PRRG1: variants seen among roughly 807,000 people sequenced by gnomAD.
PRRG1 encodes transmembrane gamma-carboxyglutamic acid protein 1.
Under a neutral mutation model 11.8 loss-of-function variants are expected in PRRG1, and 5 were observed. The ratio of observed to expected loss-of-function variants is 0.42; its 90% CI spans 0.22 to 0.89. PRRG1 has a LOEUF of 0.89. PRRG1 is among the 40% of genes least tolerant of loss of function. PRRG1 has a pLI of 0.28. For missense variants in PRRG1, 155 were observed against 166.1 expected (o/e 0.93, Z 0.37); for synonymous variants, 66 against 60.4 (o/e 1.09, Z -0.43).
At chrX:37,437,139 T>C (rs143137935) in intron 3 of PRRG1, among the ~76,000 whole-genome samples, 2,695 of 112,381 alleles carry the variant, frequency 0.024, 78 homozygotes, top group African/African-American at 0.081. Flanking sequence ...ATCATTGATA[T>C]TGTTTTTAAG....
chrX:37,408,450 A>C (rs1229980639), intron 2 of PRRG1, among the ~76,000 whole-genome samples: 3 of 111,256 alleles, frequency 2.7e-5, no homozygotes, highest in Admixed American at 9.5e-5. Context: ...TAGCGTTTTA[A>C]TGTGCAAATG....
chrX:37,410,182 T>A (rs1932314522), intron 2 of PRRG1, among the ~76,000 whole-genome samples: 1 of 112,101 alleles, frequency 8.9e-6, no homozygotes, highest in Non-Finnish European at 1.9e-5. Flanking sequence ...TATTCTGAGA[T>A]TAACACATTT....
intron 3 of PRRG1, among the ~76,000 whole-genome samples, chrX:37,451,984 T>C (rs781884416): frequency 3.9e-4 from 44 of 111,969 alleles, no homozygotes; most frequent in African/African-American, 1.2e-3. Context: ...CCAGCTCTTC[T>C]TTTTCCAATT....
chrX:37,415,151 G>A (rs1204557874), intron 2 of PRRG1, among the ~76,000 whole-genome samples: 2 of 112,414 alleles, frequency 1.8e-5, no homozygotes, highest in African/African-American at 6.5e-5. Context: ...GCTCACGCCT[G>A]TAATCCCAGC....
At chrX:37,442,129 G>C (rs1257378999) in intron 3 of PRRG1, 3 of 756,519 alleles carry the variant, frequency 4.0e-6, no homozygotes, top group Admixed American at 8.7e-5. Flanking sequence ...GCCACCAGGC[G>C]GGGGCGTGCA....
chrX:37,438,430 CTTTTTTTTTT>C lies in PRRG1; in HGVS notation c.171+12444_171+12453del, dbSNP rs782783420. Among the ~76,000 whole-genome samples, 109 of 69,005 alleles carry C rather than the reference CTTTTTTTTTT, an allele frequency of 1.6e-3. 2 individuals are homozygous for C. Among genetic ancestry groups the C allele is most frequent in the African/African-American group, 5.8e-3 (100 of 17,261 alleles). 59.9% of individuals were successfully genotyped at this position (69,005 alleles called of 115,157 possible). On this transcript the variant is annotated intron_variant, in intron 3 of 3. Transcript: ENST00000378628. The stretch of plus-strand genomic sequence containing the variant: ...GATTCGTTGAAAGCAGAATTTTTTC[CTTTTTTTTTT>C]TTTTTTTTTTTTTGAAACACGGTTT...
At chrX:37,397,817 C>A (rs1314691686) in intron 1 of PRRG1, among the ~76,000 whole-genome samples, 1 of 109,525 alleles carries the variant, frequency 9.1e-6, no homozygotes, top group Non-Finnish European at 1.9e-5. Flanking sequence ...ATCCATAGAA[C>A]AAAGATTATT....
chrX:37,398,542 A>G lies in PRRG1; in HGVS notation c.-41-7667A>G, dbSNP rs1602000931. ...CACAAAGATGGGGAAAAAACAGAGC[A>G]GAAAAACTGGAAACTCTAAAAAGCA... On this transcript the variant is annotated intron_variant, in intron 1 of 3. Coordinates refer to ENST00000378628, the MANE Select transcript of PRRG1 (RefSeq NM_001142395.2). Among the ~76,000 whole-genome samples the G allele has an allele frequency of 4.5e-5, 5 of 112,212 alleles. No individual in the cohort carries two copies. The East Asian group carries it at 1.1e-3, about 25-fold the overall frequency.
intron 3 of PRRG1, among the ~76,000 whole-genome samples, chrX:37,427,874 T>C (rs925430472): frequency 1.8e-5 from 2 of 111,668 alleles, no homozygotes; most frequent in Non-Finnish European, 3.8e-5. Context: ...TACCCAAGAC[T>C]GGAAAAAAAG....
intron 2 of PRRG1, among the ~76,000 whole-genome samples, chrX:37,425,009 A>G (rs1602023787): frequency 9.0e-6 from 1 of 111,463 alleles, no homozygotes; most frequent in South Asian, 3.7e-4. Flanking sequence ...TTCTGGTGGC[A>G]TTATATTTGT....
At chrX:37,364,985 A>G (rs1336384316) in intron 1 of PRRG1, among the ~76,000 whole-genome samples, 1 of 112,081 alleles carries the variant, frequency 8.9e-6, no homozygotes, top group Non-Finnish European at 1.9e-5. Flanking sequence ...GAACTTTGTG[A>G]GGCATTGCAT....
At chrX:37,387,350 T>C (rs1424164240) in intron 1 of PRRG1, among the ~76,000 whole-genome samples, 4 of 111,963 alleles carry the variant, frequency 3.6e-5, no homozygotes, top group Non-Finnish European at 7.5e-5. Flanking sequence ...TAGTCTGTTC[T>C]CACATTGCTA....
chrX:37,377,169 G>GA (rs1556372614), intron 1 of PRRG1, among the ~76,000 whole-genome samples: 2 of 111,841 alleles, frequency 1.8e-5, no homozygotes, highest in East Asian at 5.6e-4. Flanking sequence ...TTAAATAAAA[G>GA]ATTAATCTGT....
intron 3 of PRRG1, among the ~76,000 whole-genome samples, chrX:37,430,286 C>A (rs1556389743): frequency 8.9e-6 from 1 of 111,984 alleles, no homozygotes; most frequent in Non-Finnish European, 1.9e-5. Context: ...TGTATACATG[C>A]ATACAAATTC....
At chrX:37,368,875 T>C (rs1392208679) in intron 1 of PRRG1, among the ~76,000 whole-genome samples, 1 of 111,158 alleles carries the variant, frequency 9.0e-6, no homozygotes, top group East Asian at 2.8e-4. Context: ...GATACAGCCA[T>C]AGCTTTCATA....
chrX:37,399,960 A>G (rs1931900778), intron 1 of PRRG1, among the ~76,000 whole-genome samples: 1 of 111,694 alleles, frequency 9.0e-6, no homozygotes, highest in African/African-American at 3.3e-5. Flanking sequence ...CACCCAATAC[A>G]GGAGCACCCA....
At position 37,391,511 on chromosome X, in the gene PRRG1, G is replaced by A. The variant is rs186063934; in HGVS notation, c.-41-14698G>A. On this transcript the variant is annotated intron_variant, in intron 1 of 3. Transcript: ENST00000378628. ...ATATTATGGAATTTCGAGGAGAAAC[G>A]AGTTTATATGTGTGGTGGAGAAAAT... is the stretch of plus-strand genomic sequence containing the variant. Among the ~76,000 whole-genome samples, 678 of 111,755 alleles carry A rather than the reference G, an allele frequency of 6.1e-3. 2 individuals are homozygous for A. The highest frequency in any genetic ancestry group is 0.021 in the African/African-American group (637 of 30,810).
intron 1 of PRRG1, among the ~76,000 whole-genome samples, chrX:37,399,850 G>C (rs1411160599): frequency 5.6e-5 from 6 of 107,955 alleles, no homozygotes; most frequent in Non-Finnish European, 1.1e-4. Context: ...TGATAAAACA[G>C]ACTTTAAACC....
intron 1 of PRRG1, among the ~76,000 whole-genome samples, chrX:37,358,572 C>T (rs1930319628): frequency 9.0e-6 from 1 of 111,289 alleles, no homozygotes; most frequent in Non-Finnish European, 1.9e-5. Flanking sequence ...GTTACATTTA[C>T]CTGTTTGTCC....
Sources: allele counts gnomAD v4.1 joint callset (sites outside exome capture counted in the v4.1 genomes callset), GRCh38; gene constraint gnomAD v4.1.1; transcripts MANE v1.5; gene names NCBI Gene and HGNC (gene_info 2026-07-23, HGNC 2026-07-21).